DNER: variants seen among roughly 807,000 people sequenced by gnomAD.
The protein encoded by DNER is delta/notch like EGF repeat containing.
Under a neutral mutation model 78.2 loss-of-function variants are expected in DNER, and 33 were observed. That is an observed-to-expected ratio of 0.42 (90% CI 0.32 to 0.56). DNER has a LOEUF of 0.56. Among genes scored for constraint, DNER ranks in the 20% least tolerant of loss-of-function variants. DNER has a pLI of 0.11. For missense variants in DNER, 918 were observed against 975.3 expected (o/e 0.94, Z 0.78); for synonymous variants, 417 against 384.8 (o/e 1.08, Z -0.98).
chr2:229,684,142 AT>A (rs1699438473), intron 1 of DNER, among the ~76,000 whole-genome samples: 1 of 61,328 alleles, frequency 1.6e-5, no homozygotes, highest in African/African-American at 6.7e-5. Context: ...GTGTCTGTGT[AT>A]GTGAGAGAGA....
At chr2:229,377,154 G>C (rs1300144026) in intron 11 of DNER, among the ~76,000 whole-genome samples, 1 of 152,098 alleles carries the variant, frequency 6.6e-6, no homozygotes, top group Non-Finnish European at 1.5e-5. Flanking sequence ...TTATATTCCA[G>C]AACTACACTC....
chr2:229,674,074 A>G (rs950624084), intron 1 of DNER, among the ~76,000 whole-genome samples: 51 of 152,194 alleles, frequency 3.4e-4, no homozygotes, highest in African/African-American at 1.2e-3. Flanking sequence ...AGGTTCCAAG[A>G]ATAGCTGGTC....
intron 5 of DNER, among the ~76,000 whole-genome samples, chr2:229,530,516 A>G (rs1318666247): frequency 6.6e-6 from 1 of 152,224 alleles, no homozygotes; most frequent in Admixed American, 6.5e-5. Flanking sequence ...TCTGCCCAGA[A>G]ATTGCATGGA....
chr2:229,658,052 G>C (rs1383565536), intron 1 of DNER, among the ~76,000 whole-genome samples: 2 of 152,194 alleles, frequency 1.3e-5, no homozygotes, highest in African/African-American at 4.8e-5. Flanking sequence ...GAATGCTGCT[G>C]AAGTCAAACA....
intron 7 of DNER, among the ~76,000 whole-genome samples, chr2:229,458,135 CA>C (rs61340733): frequency 0.025 from 435 of 17,632 alleles, 1 homozygote; most frequent in Admixed American, 0.045. Context: ...GACTCTATCT[CA>C]AAAAAAAAAA....
intron 4 of DNER, among the ~76,000 whole-genome samples, chr2:229,569,254 T>A (rs542579362): frequency 4.0e-4 from 61 of 152,246 alleles, no homozygotes; most frequent in Non-Finnish European, 6.8e-4. Flanking sequence ...TGAGCGCAGT[T>A]GCTCAAGCCT....
chr2:229,437,744 A>G (rs1011372529), intron 8 of DNER, among the ~76,000 whole-genome samples: 17 of 152,198 alleles, frequency 1.1e-4, no homozygotes, highest in African/African-American at 3.9e-4. Flanking sequence ...TAGAGAACTA[A>G]AAACAACAAA....
chr2:229,662,612 C>A (rs1699026817), intron 1 of DNER, among the ~76,000 whole-genome samples: 1 of 152,132 alleles, frequency 6.6e-6, no homozygotes. Context: ...CCCTCTCCTC[C>A]CTCATGGCCT....
At chr2:229,452,032 T>C (rs1377724908) in intron 7 of DNER, among the ~76,000 whole-genome samples, 2 of 152,164 alleles carry the variant, frequency 1.3e-5, no homozygotes, top group African/African-American at 4.8e-5. Context: ...AGAAAATGAA[T>C]AATAATGAGA....
intron 1 of DNER, among the ~76,000 whole-genome samples, chr2:229,627,169 C>CAA (rs1698359763): frequency 6.6e-6 from 1 of 152,172 alleles, no homozygotes; most frequent in South Asian, 2.1e-4. Flanking sequence ...TATCTAGTGC[C>CAA]AGCCTCAGAC....
In DNER at chr2:229,379,110, G is replaced by T. The variant is rs189170379; in HGVS notation, c.1855+9155C>A. On this transcript the variant is annotated intron_variant, in intron 11 of 12. Coordinates refer to ENST00000341772, the MANE Select transcript of DNER (RefSeq NM_139072.4). ...GGCGTCCAGGTATGCACTGAGATGT[G>T]TAATGTACCCTATCACACCCAGCCA... 1.4e-4 allele frequency among the ~76,000 whole-genome samples: 21 copies of T among 152,312 alleles called. No homozygotes were observed. In the East Asian group the frequency reaches 4.1e-3, roughly 29 times the overall value.
intron 4 of DNER, among the ~76,000 whole-genome samples, chr2:229,549,206 A>G (rs1416389401): frequency 6.6e-6 from 1 of 152,228 alleles, no homozygotes. Context: ...GGAGCTTCTG[A>G]CCACCTATAT....
At chr2:229,488,152 T>G (rs1211880229) in intron 6 of DNER, among the ~76,000 whole-genome samples, 2 of 152,078 alleles carry the variant, frequency 1.3e-5, no homozygotes, top group Non-Finnish European at 2.9e-5. Context: ...CGAAACTGGG[T>G]GTGGGATGGG....
intron 10 of DNER, among the ~76,000 whole-genome samples, chr2:229,398,442 T>A (rs1462833881): frequency 6.6e-6 from 1 of 152,096 alleles, no homozygotes; most frequent in Admixed American, 6.5e-5. Flanking sequence ...AATAGCAAAT[T>A]GATACAATCG....
chr2:229,551,377 T>TGGG (rs199884590), intron 4 of DNER, among the ~76,000 whole-genome samples: 19,219 of 152,252 alleles, frequency 0.13, 1,380 homozygotes, highest in Middle Eastern at 0.21. Flanking sequence ...CTCACGCCTG[T>TGGG]AATCTCAGCA....
intron 7 of DNER, among the ~76,000 whole-genome samples, chr2:229,459,195 T>C (rs1694639107): frequency 6.6e-6 from 1 of 152,122 alleles, no homozygotes; most frequent in African/African-American, 2.4e-5. Context: ...TTCAAATTGA[T>C]TTACTGCAGT....
intron 1 of DNER, among the ~76,000 whole-genome samples, chr2:229,632,533 T>C (rs1574936584): frequency 6.6e-6 from 1 of 152,310 alleles, no homozygotes; most frequent in East Asian, 1.9e-4. Context: ...ATTTCATTCA[T>C]TTACAATCAA....
At position 229,591,463 on chromosome 2, in the gene DNER, T is replaced by A; in HGVS notation, c.585+117A>T. 8.0e-7 allele frequency: 1 copy of A among 1,250,860 alleles called. No individual in the cohort carries two copies. Among genetic ancestry groups the A allele is most frequent in the Non-Finnish European group, 1.1e-6 (1 of 920,540 alleles). The allele number at this position is 1,250,860 out of a possible 1,614,324, so 77.5% of individuals were successfully genotyped here. On this transcript the variant is annotated intron_variant, in intron 2 of 12. Transcript: ENST00000341772. The surrounding 1 kb of genome is among the most constrained non-coding windows in gnomAD (Gnocchi z 4.6). ...CAGGAATAAGTTTAGGGAGATATTT[T>A]GCTTCGTGATTTAACTTAAAATGCT... is the stretch of plus-strand genomic sequence containing the variant.
intron 8 of DNER, among the ~76,000 whole-genome samples, chr2:229,434,409 G>C (rs1334633444): frequency 1.3e-5 from 2 of 152,164 alleles, no homozygotes; most frequent in Non-Finnish European, 2.9e-5. Context: ...AAATGCCCAA[G>C]GGCTGAAGCT....
Sources: allele counts gnomAD v4.1 joint callset (sites outside exome capture counted in the v4.1 genomes callset), GRCh38; gene constraint gnomAD v4.1.1; non-coding constraint Gnocchi (gnomAD v3.1); transcripts MANE v1.5; gene names NCBI Gene and HGNC (gene_info 2026-07-23, HGNC 2026-07-21).